The following THNSL1 variants were observed in gnomAD, a reference collection of about 807,000 sequenced individuals.
The protein encoded by THNSL1 is threonine synthase-like 1.
THNSL1 carries 48 observed loss-of-function variants against 50.4 expected under a neutral mutation model. The observed-to-expected ratio is 0.95, with a 90% CI of 0.76 to 1.21. The LOEUF is 1.21. THNSL1 is among the 50% of genes most tolerant of loss of function. The pLI is 0.00. For missense variants in THNSL1, 896 were observed against 871.7 expected (o/e 1.03, Z -0.35); for synonymous variants, 309 against 306.1 (o/e 1.01, Z -0.10).
chr10:24,979,767 C>T, the THNSL1 span, among the ~76,000 whole-genome samples: 1 of 152,130 alleles, frequency 6.6e-6, no homozygotes, highest in African/African-American at 2.4e-5. Flanking sequence ...AACTAGATGC[C>T]ACAATTTTCA....
At chr10:24,992,833 G>A in the THNSL1 span, among the ~76,000 whole-genome samples, 2 of 151,402 alleles carry the variant, frequency 1.3e-5, no homozygotes, top group Admixed American at 6.6e-5. Context: ...AATAGACTCT[G>A]GGAGGCCAGT....
At position 25,024,698 on chromosome 10, in the gene THNSL1, G is replaced by A. The variant is rs751043333; in HGVS notation, c.1475G>A (p.Ser492Asn). The A allele has an allele frequency of 1.2e-6, 2 of 1,614,088 alleles. No homozygotes were observed. The highest frequency in any genetic ancestry group is 1.7e-6 in the Non-Finnish European group (2 of 1,180,044). Residue 492 changes from serine (S) to asparagine (N), a missense_variant, in exon 3 of 3, where the codon AGT becomes AAT. By Grantham distance (46) the Ser-to-Asn change is conservative. Coordinates refer to ENST00000376356, the MANE Select transcript of THNSL1 (RefSeq NM_024838.5). ...GCTTCCGCATATCTTGATCTTGTTA[G>A]TCAAGGATTTATTTCTTTTGGAAGC... ...YHASAYLDLVSQGFISFGSPV... is the reference protein window; with the variant it reads ...YHASAYLDLVNQGFISFGSPV...
the THNSL1 span, among the ~76,000 whole-genome samples, chr10:25,001,944 A>G: frequency 6.6e-6 from 1 of 151,990 alleles, no homozygotes; most frequent in Non-Finnish European, 1.5e-5. Flanking sequence ...TGAATTTTAC[A>G]TTGTTTGTTG....
the THNSL1 span, among the ~76,000 whole-genome samples, chr10:25,004,290 T>G: frequency 6.6e-6 from 1 of 152,204 alleles, no homozygotes; most frequent in African/African-American, 2.4e-5. Context: ...TGGGTATATA[T>G]CCAGTTATGG....
the THNSL1 span, among the ~76,000 whole-genome samples, chr10:24,969,569 G>A: frequency 6.6e-6 from 1 of 152,108 alleles, no homozygotes; most frequent in Non-Finnish European, 1.5e-5. Context: ...TTCACAGAGA[G>A]CAGTGAATTT....
the THNSL1 span, among the ~76,000 whole-genome samples, chr10:24,958,207 T>C: frequency 6.6e-6 from 1 of 152,152 alleles, no homozygotes; most frequent in Non-Finnish European, 1.5e-5. Context: ...AAAAAAAACC[T>C]TTCAGTCTGG....
chr10:24,980,918 A>C, the THNSL1 span, among the ~76,000 whole-genome samples: 5 of 152,052 alleles, frequency 3.3e-5, no homozygotes, highest in African/African-American at 1.2e-4. Context: ...ACAGTGTTTC[A>C]CCACGTTGGC....
the THNSL1 span, among the ~76,000 whole-genome samples, chr10:24,966,501 T>A: frequency 6.6e-6 from 1 of 152,234 alleles, no homozygotes; most frequent in Admixed American, 6.5e-5. Flanking sequence ...CTGAGCAGCC[T>A]GGGCTGCAAG....
the THNSL1 span, chr10:24,983,531 A>G: frequency 6.6e-6 from 1 of 152,256 alleles, no homozygotes; most frequent in Non-Finnish European, 1.5e-5. Flanking sequence ...AATTTGTCAT[A>G]TATTATCCTT....
At chr10:24,995,567 A>G in the THNSL1 span, 2 of 1,258,186 alleles carry the variant, frequency 1.6e-6, no homozygotes, top group Non-Finnish European at 1.1e-6. Flanking sequence ...ACTAATAATG[A>G]TAACATAGAT....
chr10:24,962,167 G>A, the THNSL1 span, among the ~76,000 whole-genome samples: 8 of 152,206 alleles, frequency 5.3e-5, no homozygotes, highest in East Asian at 1.9e-4. Flanking sequence ...GAGCTAACAC[G>A]CTCCCATGAA....
chr10:24,958,877 AAAG>A, the THNSL1 span, among the ~76,000 whole-genome samples: 352 of 152,318 alleles, frequency 2.3e-3, 3 homozygotes, highest in African/African-American at 7.2e-3. Context: ...CTTCAGAGCA[AAAG>A]AATAATGTGT....
At chr10:24,971,158 G>A in the THNSL1 span, among the ~76,000 whole-genome samples, 1 of 151,894 alleles carries the variant, frequency 6.6e-6, no homozygotes, top group Admixed American at 6.6e-5. Flanking sequence ...AAAGTGCAGT[G>A]GCACAATCAT....
chr10:24,978,972 A>G, the THNSL1 span, among the ~76,000 whole-genome samples: 104 of 152,338 alleles, frequency 6.8e-4, 3 homozygotes, highest in South Asian at 0.021. Context: ...TTTTTAAACC[A>G]TAGCACATTT....
At chr10:25,005,609 A>G in the THNSL1 span, among the ~76,000 whole-genome samples, 113 of 152,340 alleles carry the variant, frequency 7.4e-4, no homozygotes, top group Middle Eastern at 6.8e-3. Flanking sequence ...TATCCAAATT[A>G]TTTCTTGAGG....
At chr10:24,994,977 C>T in the THNSL1 span, among the ~76,000 whole-genome samples, 1 of 152,062 alleles carries the variant, frequency 6.6e-6, no homozygotes, top group Non-Finnish European at 1.5e-5. Context: ...GCTGAGATTG[C>T]ACCATTGTAC....
At chr10:25,019,098 GT>G (rs1466873800) in intron 1 of THNSL1, among the ~76,000 whole-genome samples, 1 of 152,190 alleles carries the variant, frequency 6.6e-6, no homozygotes, top group Non-Finnish European at 1.5e-5. Flanking sequence ...CTTTTGGCTA[GT>G]TTGTGTCCTG....
chr10:24,964,021 T>C, the THNSL1 span, among the ~76,000 whole-genome samples: 1 of 152,224 alleles, frequency 6.6e-6, no homozygotes, highest in African/African-American at 2.4e-5. Context: ...ATATTAGCAA[T>C]ATAGACACTT....
intron 2 of THNSL1, among the ~76,000 whole-genome samples, chr10:25,022,486 C>T (rs1480039013): frequency 6.6e-6 from 1 of 152,114 alleles, no homozygotes; most frequent in African/African-American, 2.4e-5. Context: ...CACCTTGGCT[C>T]TTTTTAAAGC....
Sources: allele counts gnomAD v4.1 joint callset (sites outside exome capture counted in the v4.1 genomes callset), GRCh38; gene constraint gnomAD v4.1.1; transcripts MANE v1.5; gene names NCBI Gene and HGNC (gene_info 2026-07-23, HGNC 2026-07-21).